TVP23C: variants seen among roughly 807,000 people sequenced by gnomAD.
TVP23C encodes Golgi apparatus membrane protein TVP23 homolog C.
Under a neutral mutation model 28.7 loss-of-function variants are expected in TVP23C, and 19 were observed. The ratio of observed to expected loss-of-function variants is 0.66; its 90% CI spans 0.46 to 0.97. TVP23C has a LOEUF of 0.97. TVP23C is among the 50% of genes least tolerant of loss of function. TVP23C has a pLI of 0.00. For synonymous variants in TVP23C, 68 were observed against 81.7 expected (o/e 0.83, Z 0.90); for missense variants, 186 against 241.3 (o/e 0.77, Z 1.52).
At chr17:15,532,305 G>C (rs898649416), downstream of TVP23C, among the ~76,000 whole-genome samples, 1 of 152,182 alleles carries the variant, frequency 6.6e-6, no homozygotes, top group African/African-American at 2.4e-5. Flanking sequence ...ACCTGAGTTG[G>C]GTTAAATGAA....
chr17:15,502,601 G>T, exon 6 of TVP23C: 1 of 469,888 alleles, frequency 2.1e-6, no homozygotes, highest in Non-Finnish European at 3.5e-6. Flanking sequence ...CAAAGCAGGC[G>T]TGCTGGGGGC....
chr17:15,529,190 G>A (rs1982849055), intron 5 of TVP23C, among the ~76,000 whole-genome samples: 1 of 151,978 alleles, frequency 6.6e-6, no homozygotes, highest in South Asian at 2.1e-4. Context: ...AGAGGCTCAC[G>A]CCTGTAATCC....
At chr17:15,510,114 C>T (rs1415521940) in intron 5 of TVP23C, among the ~76,000 whole-genome samples, 1 of 152,162 alleles carries the variant, frequency 6.6e-6, no homozygotes, top group Non-Finnish European at 1.5e-5. Flanking sequence ...GTCTCTGCAT[C>T]GCCCATGTCT....
intron 3 of TVP23C, among the ~76,000 whole-genome samples, chr17:15,550,923 T>C (rs1489088840): frequency 1.3e-5 from 2 of 152,188 alleles, no homozygotes; most frequent in African/African-American, 2.4e-5. Flanking sequence ...ATGGGTAGTT[T>C]AATCAAATTA....
intron 5 of TVP23C, among the ~76,000 whole-genome samples, chr17:15,514,132 G>A (rs1476726509): frequency 2.0e-5 from 3 of 152,220 alleles, no homozygotes; most frequent in Non-Finnish European, 4.4e-5. Context: ...CTTTCAAGGT[G>A]AATATGGCCC....
intron 5 of TVP23C, among the ~76,000 whole-genome samples, chr17:15,506,296 C>A (rs1362287775): frequency 6.6e-6 from 1 of 152,212 alleles, no homozygotes; most frequent in African/African-American, 2.4e-5. Context: ...CTTGGAGAAC[C>A]TTTATGTCTA....
chr17:15,524,118 T>C (rs958511807), intron 5 of TVP23C, among the ~76,000 whole-genome samples: 6 of 149,810 alleles, frequency 4.0e-5, no homozygotes, highest in Admixed American at 1.3e-4. Flanking sequence ...GTTACTCCCG[T>C]CTTTACATGA....
At chr17:15,558,866 A>ATTT (rs564958078) in intron 1 of TVP23C, among the ~76,000 whole-genome samples, 5 of 133,262 alleles carry the variant, frequency 3.8e-5, no homozygotes, top group South Asian at 2.5e-4. Flanking sequence ...CAGACTGGCC[A>ATTT]TTTTTTTTTT....
At chr17:15,503,415 G>C (rs1409787401) in intron 5 of TVP23C, 1 of 721,998 alleles carries the variant, frequency 1.4e-6, no homozygotes, top group African/African-American at 1.8e-5. Context: ...TTCAAGAAAA[G>C]TCCTTGAGGC....
chr17:15,561,482 C>A (rs1436431078), intron 1 of TVP23C, among the ~76,000 whole-genome samples: 1 of 152,022 alleles, frequency 6.6e-6, no homozygotes, highest in Non-Finnish European at 1.5e-5. Context: ...GCCTGTAATC[C>A]CAGCTACTCT....
chr17:15,538,718 T>TA lies in TVP23C; in HGVS notation c.*1693dup. The TA allele has an allele frequency of 3.0e-6, 3 of 985,472 alleles. No homozygotes were observed. The highest frequency in any genetic ancestry group is 3.6e-6 in the Non-Finnish European group (3 of 829,938). The allele number at this position is 985,472 out of a possible 1,614,324, so 61.0% of individuals were successfully genotyped here. On this transcript the variant is annotated 3_prime_UTR_variant, in exon 6 of 6. Transcript: ENST00000518321. ...CGGATACCATGTAAGACACTAACCCTATCCATGTTATGCCAGGTTTAAGGT... is the reference window on the plus strand; with the variant it reads ...CGGATACCATGTAAGACACTAACCCTAATCCATGTTATGCCAGGTTTAAGGT...
At chr17:15,507,920 G>C (rs933373432) in intron 5 of TVP23C, among the ~76,000 whole-genome samples, 2 of 152,114 alleles carry the variant, frequency 1.3e-5, no homozygotes, top group African/African-American at 4.8e-5. Flanking sequence ...TGTAAAGTGG[G>C]GATAAAAATA....
In TVP23C at chr17:15,553,785, G is replaced by C; in HGVS notation, c.140C>G (p.Ala47Gly). Residue 47 changes from alanine to glycine, a missense_variant, in exon 3 of 6, where the codon GCA becomes GGA. Ala to Gly is a moderately conservative substitution (Grantham distance 60). Transcript: ENST00000518321. ...CTCACAGAGAAGACAGACGATGATT[G>C]CACTGACTCGAAAGAATAAGTGGAA... ...SFFHLFFRVS[A>G]IIVCLLCELL... 1 of 1,613,942 alleles carries C rather than the reference G, an allele frequency of 6.2e-7. No homozygotes were observed. The highest frequency in any genetic ancestry group is 8.5e-7 in the Non-Finnish European group (1 of 1,179,862).
Position 15,507,351 on chromosome 17 carries a change from A to T in TVP23C, c.463-4119T>A. ...CACCATTGCTGACTGGACAACTCTA[A>T]TAAGTTTCACTTACGCTTTATCTTA... On this transcript the variant is annotated intron_variant, in intron 5 of 5. Transcript: ENST00000225576. The T allele has an allele frequency of 2.3e-5, 17 of 737,434 alleles. No individual in the cohort carries two copies. In the South Asian group the frequency reaches 2.3e-4, roughly 10 times the overall value. The allele number at this position is 737,434 out of a possible 1,614,324, so 45.7% of individuals were successfully genotyped here. A position where few individuals can be genotyped will look rare whatever the true frequency, so the allele number is the denominator to read the frequency against.
intron 5 of TVP23C, chr17:15,503,640 CA>C (rs1306071719): frequency 6.5e-6 from 1 of 154,896 alleles, no homozygotes; most frequent in Non-Finnish European, 1.4e-5. Context: ...TTTTTGCATT[CA>C]GTTTTGTGTT....
chr17:15,558,592 G>C lies in TVP23C; in HGVS notation c.13-3228C>G, dbSNP rs183404716. On this transcript the variant is annotated intron_variant, in intron 1 of 5. Coordinates refer to ENST00000518321, the MANE Select transcript of TVP23C (RefSeq NM_001135036.2). ...GGGAAACAAAGGAGGGTCAGTGAGA[G>C]AAGGTGATGAAACAAGCAAAGTAGA... Among the ~76,000 whole-genome samples, 27 of 148,596 alleles carry C rather than the reference G, an allele frequency of 1.8e-4. No individual in the cohort carries two copies. The East Asian group carries it at 5.1e-3, about 28-fold the overall frequency.
At chr17:15,502,609 G>A in exon 6 of TVP23C, 1 of 502,106 alleles carries the variant, frequency 2.0e-6, no homozygotes, top group South Asian at 4.5e-5. Flanking sequence ...GCGTGCTGGG[G>A]GCTGCTTGGC....
At chr17:15,508,558 T>A (rs1375638378) in intron 5 of TVP23C, among the ~76,000 whole-genome samples, 2 of 152,152 alleles carry the variant, frequency 1.3e-5, no homozygotes, top group African/African-American at 4.8e-5. Flanking sequence ...CAGTCGCTCT[T>A]CCCTTAGGAC....
intron 1 of TVP23C, among the ~76,000 whole-genome samples, chr17:15,555,779 ACTC>A: frequency 6.6e-6 from 1 of 150,992 alleles, no homozygotes; most frequent in East Asian, 2.0e-4. Context: ...CCTTCTCACA[ACTC>A]CTCCTCTTCT....
Sources: allele counts gnomAD v4.1 joint callset (sites outside exome capture counted in the v4.1 genomes callset), GRCh38; gene constraint gnomAD v4.1.1; transcripts MANE v1.5; gene names NCBI Gene and HGNC (gene_info 2026-07-23, HGNC 2026-07-21).